RAP1B: variants seen among roughly 807,000 people sequenced by gnomAD.
The protein encoded by RAP1B is ras-related protein Rap-1b.
Under a neutral mutation model 27.5 loss-of-function variants are expected in RAP1B, and 1 was observed. The ratio of observed to expected loss-of-function variants is 0.04; its 90% CI spans 0.01 to 0.17. RAP1B has a LOEUF of 0.17. Ranked by LOEUF, RAP1B falls within the 10% of genes least tolerant of loss-of-function variation. The pLI is 1.00. For missense variants in RAP1B, 84 were observed against 214.8 expected (o/e 0.39, Z 3.81); for synonymous variants, 75 against 73.1 (o/e 1.03, Z -0.13).
chr12:68,653,886 G>A (rs1565673454), intron 4 of RAP1B, among the ~76,000 whole-genome samples: 2 of 151,592 alleles, frequency 1.3e-5, no homozygotes, highest in Non-Finnish European at 1.5e-5. Context: ...AGCCGAGGTC[G>A]CGCCACTGCA....
chr12:68,637,388 A>G (rs909071332), intron 1 of RAP1B, among the ~76,000 whole-genome samples: 1 of 152,042 alleles, frequency 6.6e-6, no homozygotes, highest in African/African-American at 2.4e-5. Flanking sequence ...ACCTTAGGTC[A>G]GGAGTTTAGG....
intron 1 of RAP1B, among the ~76,000 whole-genome samples, chr12:68,619,669 T>G (rs1383483567): frequency 6.6e-6 from 1 of 152,246 alleles, no homozygotes; most frequent in Non-Finnish European, 1.5e-5. Context: ...TATTTTTCCA[T>G]GCTTTGCTCT....
At chr12:68,627,121 C>G in intron 1 of RAP1B, 2 of 1,586,278 alleles carry the variant, frequency 1.3e-6, no homozygotes, top group Non-Finnish European at 1.7e-6. Context: ...ATAACTTGGC[C>G]AGTGTGAACC....
chr12:68,657,771 C>CA (rs1307610141), intron 7 of RAP1B: 1 of 151,032 alleles, frequency 6.6e-6, no homozygotes, highest in African/African-American at 2.8e-5. Context: ...CACACACACA[C>CA]ACGTGCGCGC....
intron 1 of RAP1B, among the ~76,000 whole-genome samples, chr12:68,612,788 G>C (rs2135903904): frequency 6.6e-6 from 1 of 152,214 alleles, no homozygotes; most frequent in African/African-American, 2.4e-5. Context: ...TGCTTTTAAT[G>C]TGTACTACGT....
chr12:68,611,809 C>G (rs1048228463), intron 1 of RAP1B, among the ~76,000 whole-genome samples: 2 of 152,122 alleles, frequency 1.3e-5, no homozygotes, highest in African/African-American at 4.8e-5. Context: ...GAAGTTTGTC[C>G]TCTTCTCTTT....
chr12:68,642,729 C>T, intron 1 of RAP1B: 1 of 1,080,850 alleles, frequency 9.3e-7, no homozygotes, highest in Non-Finnish European at 1.4e-6. Context: ...TCGGCATCCA[C>T]CTGCGCAGTA....
Position 68,644,057 on chromosome 12 carries a change from C to CTT in RAP1B, c.-26-4641_-26-4640dup, listed in dbSNP as rs1332871586. On this transcript the variant is annotated intron_variant, in intron 1 of 7. Coordinates refer to ENST00000250559, the MANE Select transcript of RAP1B (RefSeq NM_001010942.3). ...GCTGTCAAAATTACAGTCTGCATAACTTGAGGTACAATAGATTTCATTAAG... is the reference window on the plus strand; with the variant it reads ...GCTGTCAAAATTACAGTCTGCATAACTTTTGAGGTACAATAGATTTCATTAAG... Among the ~76,000 whole-genome samples, 3 of 152,124 alleles carry CTT rather than the reference C, an allele frequency of 2.0e-5. No homozygotes were observed. The East Asian group carries it at 5.8e-4, about 29-fold the overall frequency.
In RAP1B at chr12:68,668,628, GCA is replaced by G. The variant is rs1874946770; in HGVS notation, c.*9382_*9383del. 2 of 152,066 alleles carry G rather than the reference GCA, an allele frequency of 1.3e-5. No individual in the cohort carries two copies. Among genetic ancestry groups the G allele is most frequent in the African/African-American group, 4.8e-5 (2 of 41,402 alleles). The allele number at this position is 152,066 out of a possible 1,614,324, so 9.4% of individuals were successfully genotyped here. On this transcript the variant is annotated 3_prime_UTR_variant, in exon 8 of 8. Coordinates refer to ENST00000250559, the MANE Select transcript of RAP1B (RefSeq NM_001010942.3). Reference sequence around the variant, plus strand: ...ACGTTAACAATCTGAAATCATCCCTGCACAGACTTTCTTGGCTCTTCTTTTCT... The same window carrying G: ...ACGTTAACAATCTGAAATCATCCCTGCAGACTTTCTTGGCTCTTCTTTTCT...
At chr12:68,644,318 C>T (rs1392716521) in intron 1 of RAP1B, among the ~76,000 whole-genome samples, 3 of 152,050 alleles carry the variant, frequency 2.0e-5, no homozygotes, top group East Asian at 3.9e-4. Context: ...GGGCCGGGCA[C>T]GGTGGCTCAC....
intron 1 of RAP1B, chr12:68,627,183 AACCTAC>A: frequency 6.4e-7 from 1 of 1,552,096 alleles, no homozygotes; most frequent in South Asian, 1.1e-5. Context: ...GCCTGTTTGG[AACCTAC>A]ACTGGGGTAG....
At chr12:68,658,121 C>CTAT in intron 7 of RAP1B, among the ~76,000 whole-genome samples, 1 of 152,194 alleles carries the variant, frequency 6.6e-6, no homozygotes, top group African/African-American at 2.4e-5. Flanking sequence ...TATTGTTAAA[C>CTAT]TGTTAATTTA....
chr12:68,651,382 CA>C (rs758714080), intron 3 of RAP1B, among the ~76,000 whole-genome samples: 12 of 146,774 alleles, frequency 8.2e-5, no homozygotes, highest in South Asian at 2.2e-4. Context: ...CATAGTCTAC[CA>C]AAAAAAAAAC....
intron 1 of RAP1B, among the ~76,000 whole-genome samples, chr12:68,613,797 A>G (rs544817689): frequency 6.6e-6 from 1 of 152,378 alleles, no homozygotes; most frequent in South Asian, 2.1e-4. Context: ...AAGAGAGGAT[A>G]TTTGAAGAGA....
intron 6 of RAP1B, 26 bp downstream of exon 6, chr12:68,656,475 G>T (rs776520168): frequency 1.3e-6 from 2 of 1,581,726 alleles, no homozygotes; most frequent in South Asian, 2.2e-5. Context: ...CTTAAAATGG[G>T]TCTTCATTTG....
In RAP1B at chr12:68,660,886, G is replaced by A. The variant is rs1162242906; in HGVS notation, c.*1637G>A. 1 of 152,142 alleles carries A rather than the reference G, an allele frequency of 6.6e-6. No homozygotes were observed. Among genetic ancestry groups the A allele is most frequent in the Non-Finnish European group, 1.5e-5 (1 of 68,014 alleles). 9.4% of individuals were successfully genotyped at this position (152,142 alleles called of 1,614,324 possible). A position where few individuals can be genotyped will look rare whatever the true frequency, so the allele number is the denominator to read the frequency against. ...TACACTATGGATTTTTTAAAATACA[G>A]GATTGAAGTTAGAATATTGTGGTTA... On this transcript the variant is annotated 3_prime_UTR_variant, in exon 8 of 8. Transcript: ENST00000250559.
At position 68,610,989 on chromosome 12, in the gene RAP1B, C is replaced by T. The variant is rs1197369450; in HGVS notation, c.-81C>T. The T allele has an allele frequency of 3.1e-5, 10 of 323,388 alleles. No homozygotes were observed. Among genetic ancestry groups the T allele is most frequent in the Non-Finnish European group, 4.5e-5 (8 of 177,192 alleles). 20.0% of individuals were successfully genotyped at this position (323,388 alleles called of 1,614,324 possible). A position where few individuals can be genotyped will look rare whatever the true frequency, so the allele number is the denominator to read the frequency against. Reference sequence around the variant, plus strand: ...ACCGCCGTGGCGCCTAGAGTAGCGACCCGGGGGGAGCGCGGGGCGACGCTG... The same window carrying T: ...ACCGCCGTGGCGCCTAGAGTAGCGATCCGGGGGGAGCGCGGGGCGACGCTG... On this transcript the variant is annotated 5_prime_UTR_variant, in exon 1 of 8. Coordinates refer to ENST00000250559, the MANE Select transcript of RAP1B (RefSeq NM_001010942.3).
At chr12:68,648,995 G>C (rs1873620853) in intron 2 of RAP1B, 2 of 488,912 alleles carry the variant, frequency 4.1e-6, no homozygotes, top group Admixed American at 7.5e-5. Context: ...CACGAGTTAT[G>C]CTGGAATACA....
chr12:68,657,890 CCT>C (rs1874341421), intron 7 of RAP1B, among the ~76,000 whole-genome samples: 1 of 152,130 alleles, frequency 6.6e-6, no homozygotes, highest in South Asian at 2.1e-4. Flanking sequence ...CACACACACC[CCT>C]GACATGTTCA....
Sources: allele counts gnomAD v4.1 joint callset (sites outside exome capture counted in the v4.1 genomes callset), GRCh38; gene constraint gnomAD v4.1.1; transcripts MANE v1.5; gene names NCBI Gene and HGNC (gene_info 2026-07-23, HGNC 2026-07-21).